Variants in SPMIP4 observed in about 807,000 individuals in gnomAD.
SPMIP4 encodes the protein sperm-associated microtubule inner protein 4.
chr7:25,142,151 T>G, the SPMIP4 span: 4 of 850,038 alleles, frequency 4.7e-6, no homozygotes, highest in Non-Finnish European at 7.7e-6. Context: ...CTAACTTGGT[T>G]GCTAAAACCC....
the SPMIP4 span, among the ~76,000 whole-genome samples, chr7:25,132,827 C>T: frequency 3.9e-5 from 6 of 152,096 alleles, no homozygotes; most frequent in African/African-American, 1.4e-4. This position sits in a 1 kb window ranked among gnomAD's most constrained non-coding sequence, Gnocchi z 5.0. Context: ...ATGTTTTATA[C>T]ATTTTGCTCA....
the SPMIP4 span, among the ~76,000 whole-genome samples, chr7:25,142,045 A>C: frequency 7.9e-5 from 12 of 152,196 alleles, no homozygotes; most frequent in African/African-American, 2.9e-4. Context: ...CCAAGAAAAG[A>C]AATCTTGCTT....
the SPMIP4 span, among the ~76,000 whole-genome samples, chr7:25,153,777 G>A: frequency 3.9e-5 from 6 of 152,088 alleles, no homozygotes; most frequent in East Asian, 1.2e-3. Context: ...CTTTTGCATG[G>A]CACCATCTCT....
the SPMIP4 span, among the ~76,000 whole-genome samples, chr7:25,165,234 A>G: frequency 6.6e-6 from 1 of 151,612 alleles, no homozygotes; most frequent in East Asian, 1.9e-4. Context: ...ACTTTTATGT[A>G]TTTTCTTTTT....
At chr7:25,151,674 A>G in the SPMIP4 span, 13 of 1,603,920 alleles carry the variant, frequency 8.1e-6, no homozygotes, top group East Asian at 2.7e-4. Flanking sequence ...GTTCATATCT[A>G]TAAGGATTAC....
At chr7:25,136,102 A>G in the SPMIP4 span, 2 of 1,614,134 alleles carry the variant, frequency 1.2e-6, no homozygotes. This position sits in a 1 kb window ranked among gnomAD's most constrained non-coding sequence, Gnocchi z 5.7. Context: ...AGTTTTTGAA[A>G]AAGAGTTCTT....
chr7:25,163,225 C>G, the SPMIP4 span, among the ~76,000 whole-genome samples: 1 of 152,178 alleles, frequency 6.6e-6, no homozygotes, highest in African/African-American at 2.4e-5. This position sits in a 1 kb window ranked among gnomAD's most constrained non-coding sequence, Gnocchi z 4.4. Flanking sequence ...AAATTAAAAA[C>G]AATGTACCCA....
the SPMIP4 span, among the ~76,000 whole-genome samples, chr7:25,163,576 C>T: frequency 0.016 from 2,382 of 152,238 alleles, 65 homozygotes; most frequent in African/African-American, 0.054. The surrounding 1 kb of genome is among the most constrained non-coding windows in gnomAD (Gnocchi z 4.4). Flanking sequence ...GTGATCATGG[C>T]GGCAGCACAG....
At chr7:25,150,068 T>A in the SPMIP4 span, among the ~76,000 whole-genome samples, 1 of 152,044 alleles carries the variant, frequency 6.6e-6, no homozygotes, top group Admixed American at 6.6e-5. Context: ...ATGAACCTGT[T>A]TGGGAACCAG....
the SPMIP4 span, among the ~76,000 whole-genome samples, chr7:25,134,351 A>C: frequency 7.2e-5 from 9 of 125,302 alleles, no homozygotes; most frequent in African/African-American, 2.4e-4. Context: ...AAAAAAAAAA[A>C]ACCAAAAAAA....
chr7:25,175,149 G>A, the SPMIP4 span, among the ~76,000 whole-genome samples: 2 of 126,948 alleles, frequency 1.6e-5, no homozygotes, highest in African/African-American at 4.9e-5. Context: ...GAGGCAGCCT[G>A]GGAATCTGTT....
At chr7:25,152,911 T>C in the SPMIP4 span, among the ~76,000 whole-genome samples, 1 of 151,930 alleles carries the variant, frequency 6.6e-6, no homozygotes, top group African/African-American at 2.4e-5. Context: ...GCCTGGCTAA[T>C]TTTTGTAGTT....
At chr7:25,143,861 C>A in the SPMIP4 span, among the ~76,000 whole-genome samples, 1 of 152,080 alleles carries the variant, frequency 6.6e-6, no homozygotes, top group Non-Finnish European at 1.5e-5. Context: ...GCCTATCAAG[C>A]GTTAGGATTA....
At chr7:25,158,368 C>CA in the SPMIP4 span, 30,713 of 299,366 alleles carry the variant, frequency 0.1, 208 homozygotes, top group Middle Eastern at 0.13. Context: ...GACTCTGTCT[C>CA]AAAAAAAAAA....
At chr7:25,176,812 CG>C in the SPMIP4 span, among the ~76,000 whole-genome samples, 2 of 152,114 alleles carry the variant, frequency 1.3e-5, no homozygotes, top group Non-Finnish European at 2.9e-5. This position sits in a 1 kb window ranked among gnomAD's most constrained non-coding sequence, Gnocchi z 4.4. Context: ...TTTATAATTA[CG>C]GAAAAATCAT....
At chr7:25,144,394 G>A in the SPMIP4 span, among the ~76,000 whole-genome samples, 1 of 152,312 alleles carries the variant, frequency 6.6e-6, no homozygotes, top group Admixed American at 6.5e-5. Flanking sequence ...CTGGCCCCTG[G>A]CCTCAGCACC....
chr7:25,171,158 C>A, the SPMIP4 span, among the ~76,000 whole-genome samples: 8 of 152,188 alleles, frequency 5.3e-5, no homozygotes, highest in African/African-American at 1.9e-4. Context: ...CCACCCCTTA[C>A]AACAGTACTA....
At chr7:25,176,567 A>G in the SPMIP4 span, among the ~76,000 whole-genome samples, 1 of 152,244 alleles carries the variant, frequency 6.6e-6, no homozygotes, top group Non-Finnish European at 1.5e-5. This position sits in a 1 kb window ranked among gnomAD's most constrained non-coding sequence, Gnocchi z 4.4. Flanking sequence ...ATTTCTTTTC[A>G]TTAAGTGAAA....
chr7:25,139,403 C>CT, the SPMIP4 span, among the ~76,000 whole-genome samples: 1 of 150,478 alleles, frequency 6.6e-6, no homozygotes, highest in African/African-American at 2.5e-5. Context: ...GTTAATTATA[C>CT]ATTTTTTTTT....
Sources: allele counts gnomAD v4.1 joint callset (sites outside exome capture counted in the v4.1 genomes callset), GRCh38; gene constraint gnomAD v4.1.1; non-coding constraint Gnocchi (gnomAD v3.1); transcripts MANE v1.5; gene names NCBI Gene and HGNC (gene_info 2026-07-23, HGNC 2026-07-21).